ZC3H3: variants seen among roughly 807,000 people sequenced by gnomAD.
ZC3H3 encodes zinc finger CCCH domain-containing protein 3.
A neutral mutation model predicts 77.3 loss-of-function variants in ZC3H3; 36 were observed. The ratio of observed to expected loss-of-function variants is 0.47; its 90% CI spans 0.36 to 0.61. The LOEUF is 0.61. Among genes scored for constraint, ZC3H3 ranks in the 20% least tolerant of loss-of-function variants. ZC3H3 has a pLI of 0.00. For synonymous variants in ZC3H3, 626 were observed against 555.2 expected (o/e 1.13, Z -1.79); for missense variants, 1,331 against 1,312.2 (o/e 1.01, Z -0.22).
At chr8:143,512,387 G>A (rs181431499) in intron 3 of ZC3H3, among the ~76,000 whole-genome samples, 3 of 152,358 alleles carry the variant, frequency 2.0e-5, no homozygotes, top group East Asian at 3.9e-4. Context: ...CAGCTTGCAC[G>A]CCTGCAAACC....
intron 3 of ZC3H3, among the ~76,000 whole-genome samples, chr8:143,512,170 G>T (rs1453939114): frequency 2.0e-5 from 3 of 152,250 alleles, no homozygotes; most frequent in Non-Finnish European, 4.4e-5. Flanking sequence ...GGCTAGTCCA[G>T]GTGCAGCCCC....
intron 4 of ZC3H3, among the ~76,000 whole-genome samples, chr8:143,491,229 C>T (rs1432630964): frequency 1.3e-5 from 2 of 152,176 alleles, no homozygotes; most frequent in Non-Finnish European, 2.9e-5. Flanking sequence ...CCCGGGGGGC[C>T]CTTGAGCTCC....
At chr8:143,476,421 C>T (rs1161229684) in intron 4 of ZC3H3, among the ~76,000 whole-genome samples, 1 of 152,194 alleles carries the variant, frequency 6.6e-6, no homozygotes, top group Non-Finnish European at 1.5e-5. Flanking sequence ...GCCCTGGCAG[C>T]CCCCACTCCT....
Position 143,538,576 on chromosome 8 carries a change from CTCCTG to C in ZC3H3, c.786_790del (p.Asp262GlufsTer41). 2 of 1,610,952 alleles carry C rather than the reference CTCCTG, an allele frequency of 1.2e-6. No homozygotes were observed. Among genetic ancestry groups the C allele is most frequent in the South Asian group, 2.2e-5 (2 of 91,086 alleles). On this transcript the variant is annotated frameshift_variant, in exon 2 of 12. Coordinates refer to ENST00000262577, the MANE Select transcript of ZC3H3 (RefSeq NM_015117.3). LOFTEE classifies it high-confidence loss of function. ...CTGATCTGTGTGGCCAGCATCTACT[CTCCTG>C]TCCCCAAGGAGCTGTGGAGCACAGC... is the stretch of plus-strand genomic sequence containing the variant.
chr8:143,507,723 G>C (rs1449165907), intron 4 of ZC3H3, 23 bp downstream of exon 4: 3 of 1,535,634 alleles, frequency 2.0e-6, no homozygotes, highest in Non-Finnish European at 2.6e-6. Flanking sequence ...AGGCCTGCAG[G>C]AGCCTGCAGG....
intron 9 of ZC3H3, among the ~76,000 whole-genome samples, chr8:143,461,964 C>A (rs1820276724): frequency 6.7e-6 from 1 of 150,250 alleles, no homozygotes. Context: ...AACTGTACTT[C>A]AGTTAAGCTG....
chr8:143,444,783 G>A (rs561708048), intron 9 of ZC3H3, among the ~76,000 whole-genome samples: 1 of 152,272 alleles, frequency 6.6e-6, no homozygotes, highest in East Asian at 1.9e-4. Context: ...GGAAAGTTTG[G>A]AAGCCCACTA....
intron 9 of ZC3H3, 133 bp downstream of exon 9, chr8:143,465,584 G>T: frequency 7.3e-7 from 1 of 1,373,104 alleles, no homozygotes; most frequent in Non-Finnish European, 9.9e-7. Context: ...CACCTGTGAG[G>T]TGGACGTGAT....
chr8:143,511,376 G>C (rs1232852961), intron 3 of ZC3H3, among the ~76,000 whole-genome samples: 1 of 152,236 alleles, frequency 6.6e-6, no homozygotes, highest in Non-Finnish European at 1.5e-5. Context: ...GCAGGAGTGA[G>C]GGAGAGTTCA....
chr8:143,449,738 C>CAAACA (rs71316893), intron 9 of ZC3H3, among the ~76,000 whole-genome samples: 1 of 150,976 alleles, frequency 6.6e-6, no homozygotes, highest in African/African-American at 2.4e-5. Context: ...GTCAAAAAAA[C>CAAACA]AAACAAAACA....
intron 4 of ZC3H3, among the ~76,000 whole-genome samples, chr8:143,477,694 CGG>C (rs1563849963): frequency 6.6e-6 from 1 of 152,176 alleles, no homozygotes; most frequent in African/African-American, 2.4e-5. Flanking sequence ...ACAGGAGCTA[CGG>C]CCACTACCTG....
chr8:143,508,480 G>A (rs1360891246), intron 3 of ZC3H3, among the ~76,000 whole-genome samples: 5 of 152,230 alleles, frequency 3.3e-5, no homozygotes, highest in African/African-American at 7.2e-5. Flanking sequence ...TGATAGACAC[G>A]ACGGCTTTTT....
At chr8:143,523,470 C>T in intron 3 of ZC3H3, 1 of 985,414 alleles carries the variant, frequency 1.0e-6, no homozygotes, top group Non-Finnish European at 1.2e-6. Flanking sequence ...TCTTGGAAGA[C>T]ACTCCCCGCT....
chr8:143,524,427 CT>C (rs1822346752), intron 3 of ZC3H3, among the ~76,000 whole-genome samples: 1 of 152,246 alleles, frequency 6.6e-6, no homozygotes, highest in African/African-American at 2.4e-5. Flanking sequence ...TACTTCATGC[CT>C]GACTGTGCTG....
intron 4 of ZC3H3, among the ~76,000 whole-genome samples, chr8:143,479,504 G>A (rs190854023): frequency 9.8e-4 from 149 of 152,310 alleles, no homozygotes; most frequent in Non-Finnish European, 1.4e-3. Flanking sequence ...GCAGGCCCAC[G>A]CTGCCAGGAA....
At chr8:143,515,337 C>T (rs1384849817) in intron 3 of ZC3H3, among the ~76,000 whole-genome samples, 1 of 152,260 alleles carries the variant, frequency 6.6e-6, no homozygotes, top group Non-Finnish European at 1.5e-5. Flanking sequence ...AGGTCATCGG[C>T]AGGGCCCCTG....
In ZC3H3 at chr8:143,473,283, G is replaced by A. The variant is rs187905949; in HGVS notation, c.1903+2115C>T. On this transcript the variant is annotated intron_variant, in intron 5 of 11. Transcript: ENST00000262577. ...CCACTCCTGCCCAGGCCTCTGCATG[G>A]CGGCCTCAGGATGCTCTTGCTGCTT... is the stretch of plus-strand genomic sequence containing the variant. 1.1e-3 allele frequency among the ~76,000 whole-genome samples: 169 copies of A among 152,230 alleles called. 1 individual carries two copies. In the East Asian group the frequency reaches 0.019, roughly 17 times the overall value.
rs1278435450 is a variant in ZC3H3 at position 143,493,708 on chromosome 8, G to A, written c.1715+14038C>T. ...TCTGTGGCACCTTCCGTGCAAAACC[G>A]TATCTCAGCCCATTTATTAGAATGA... On this transcript the variant is annotated intron_variant, in intron 4 of 11. Transcript: ENST00000262577. This position sits in a 1 kb window ranked among gnomAD's most constrained non-coding sequence, Gnocchi z 4.8. 6.6e-6 allele frequency among the ~76,000 whole-genome samples: 1 copy of A among 152,192 alleles called. No individual in the cohort carries two copies.
intron 4 of ZC3H3, among the ~76,000 whole-genome samples, chr8:143,483,219 A>C (rs777670930): frequency 6.6e-6 from 1 of 152,244 alleles, no homozygotes; most frequent in Admixed American, 6.5e-5. Flanking sequence ...TAAACTGCTT[A>C]AGTGGGGCTT....
Sources: allele counts gnomAD v4.1 joint callset (sites outside exome capture counted in the v4.1 genomes callset), GRCh38; gene constraint gnomAD v4.1.1; non-coding constraint Gnocchi (gnomAD v3.1); transcripts MANE v1.5; gene names NCBI Gene and HGNC (gene_info 2026-07-23, HGNC 2026-07-21).